FANCM: variants seen among roughly 807,000 people sequenced by gnomAD.
The protein encoded by FANCM is Fanconi anemia group M protein.
A neutral mutation model predicts 199.5 loss-of-function variants in FANCM; 140 were observed. The ratio of observed to expected loss-of-function variants is 0.70; its 90% confidence interval spans 0.61 to 0.81. The LOEUF is 0.81. Among genes scored for constraint, FANCM ranks in the 30% least tolerant of loss-of-function variants. The pLI is 0.00. For synonymous variants in FANCM, 840 were observed against 836.8 expected (o/e 1.00, Z -0.07); for missense variants, 2,410 against 2,421.4 (o/e 1.00, Z 0.10).
chr14:45,154,087 CAT>C (rs1566737549), intron 6 of FANCM, 35 bp downstream of exon 6: 2 of 1,445,318 alleles, frequency 1.4e-6, no homozygotes, highest in Non-Finnish European at 9.7e-7. Context: ...GAAATAATGA[CAT>C]GTATTATTTT....
chr14:45,163,567 C>A (rs529187593), intron 9 of FANCM, among the ~76,000 whole-genome samples: 134 of 152,284 alleles, frequency 8.8e-4, no homozygotes, highest in African/African-American at 3.1e-3. Flanking sequence ...TTTCATTAAA[C>A]TGATCAGAGA....
chr14:45,188,163 A>G (rs1566781558), intron 19 of FANCM, among the ~76,000 whole-genome samples: 1 of 152,100 alleles, frequency 6.6e-6, no homozygotes, highest in African/African-American at 2.4e-5. Flanking sequence ...ACATGGTGAA[A>G]CCCCATCTCT....
intron 16 of FANCM, among the ~76,000 whole-genome samples, chr14:45,181,911 A>G (rs147137049): frequency 5.4e-4 from 83 of 152,348 alleles, no homozygotes; most frequent in Admixed American, 1.7e-3. Context: ...AAATAAAAAT[A>G]TTAAGTAATT....
At chr14:45,166,844 G>A (rs1010639776) in intron 10 of FANCM, 106 bp from the exon 11 acceptor site, 1 of 727,604 alleles carries the variant, frequency 1.4e-6, no homozygotes, top group East Asian at 2.7e-5. Flanking sequence ...GTGGATCGGG[G>A]TTTAATTTTA....
chr14:45,173,309 T>G (rs1888461200), intron 13 of FANCM, 99 bp downstream of exon 13: 1 of 1,096,812 alleles, frequency 9.1e-7, no homozygotes, highest in African/African-American at 1.6e-5. Context: ...AATACTTTGT[T>G]TTTCTGTATA....
Position 45,161,128 on chromosome 14 carries a change from A to G in FANCM, c.1581+1848A>G, listed in dbSNP as rs139922335. Among the ~76,000 whole-genome samples the G allele has an allele frequency of 6.5e-3, 993 of 152,264 alleles. 8 individuals carry two copies. The highest frequency in any genetic ancestry group is 0.023 in the African/African-American group (944 of 41,546). Reference sequence around the variant, plus strand: ...ATCAATTTCAGTATTACCTAAAGTCATTATTTCCTGAGCTTGTCAGGCACC... The same window carrying G: ...ATCAATTTCAGTATTACCTAAAGTCGTTATTTCCTGAGCTTGTCAGGCACC... On this transcript the variant is annotated intron_variant, in intron 9 of 22. Coordinates refer to ENST00000267430, the MANE Select transcript of FANCM (RefSeq NM_020937.4).
At chr14:45,190,037 T>G (rs1360634658) in intron 20 of FANCM, among the ~76,000 whole-genome samples, 1 of 151,668 alleles carries the variant, frequency 6.6e-6, no homozygotes, top group African/African-American at 2.4e-5. Context: ...AGGCTTTGGG[T>G]ATGTAAGTCC....
intron 10 of FANCM, 71 bp downstream of exon 10, chr14:45,164,636 C>T (rs1887839774): frequency 8.6e-7 from 1 of 1,160,794 alleles, no homozygotes; most frequent in Admixed American, 2.0e-5. Flanking sequence ...TGAATATCAA[C>T]ATGTTAGCAT....
rs149145130 is a variant in FANCM at position 45,147,551 on chromosome 14, G to A, written c.760-1286G>A. Among the ~76,000 whole-genome samples, 26 of 152,106 alleles carry A rather than the reference G, an allele frequency of 1.7e-4. No homozygotes were observed. The East Asian group carries it at 4.8e-3, about 28-fold the overall frequency. ...TCCCAACTTGGCCTCCCACAGCCCT[G>A]GGATTACACCCTTAGGCGTGAGCTG... On this transcript the variant is annotated intron_variant, in intron 3 of 22. Transcript: ENST00000267430.
At chr14:45,178,081 T>C (rs1283778650) in intron 14 of FANCM, among the ~76,000 whole-genome samples, 1 of 152,206 alleles carries the variant, frequency 6.6e-6, no homozygotes, top group Non-Finnish European at 1.5e-5. Context: ...AAAAGCTGAA[T>C]AAAAAGTAGC....
intron 3 of FANCM, among the ~76,000 whole-genome samples, chr14:45,145,855 C>T (rs997579580): frequency 2.6e-5 from 4 of 151,610 alleles, no homozygotes; most frequent in East Asian, 1.9e-4. Flanking sequence ...GTCAGGAGAT[C>T]GAGACCATCC....
At chr14:45,173,357 T>G in intron 13 of FANCM, 147 bp downstream of exon 13, 1 of 715,402 alleles carries the variant, frequency 1.4e-6, no homozygotes. Context: ...GTTTTCTGCC[T>G]TAAGAGAAGA....
rs767884800 is a variant in FANCM at position 45,196,325 on chromosome 14, G to C, written c.5494G>C (p.Glu1832Gln). The C allele has an allele frequency of 6.2e-7, 1 of 1,614,144 alleles. No homozygotes were observed. Residue 1832 changes from glutamate to glutamine, a missense_variant, in exon 21 of 23, where the codon GAA becomes CAA. Physicochemically the swap from Glu to Gln is conservative, Grantham distance 29. Transcript: ENST00000267430. ...TGGTCATGAAATCACTTCTGGATTA[G>C]AAGTAATTTCTTCCCTAAGAGCAAT... ...VGGHEITSGL[E>Q]VISSLRAIHG...
intron 14 of FANCM, among the ~76,000 whole-genome samples, chr14:45,178,865 A>G: frequency 6.6e-6 from 1 of 152,146 alleles, no homozygotes; most frequent in East Asian, 1.9e-4. Context: ...AGCTTCTTAG[A>G]AGGCCTGTTG....
Position 45,181,504 on chromosome 14 carries a change from A to G in FANCM, c.4297A>G (p.Asn1433Asp). 6.2e-7 allele frequency: 1 copy of G among 1,605,658 alleles called. No homozygotes were observed. The highest frequency in any genetic ancestry group is 1.7e-5 in the Admixed American group (1 of 60,000). ...FRRKVKRAKG[N>D]VLNSPEDQKN... is the part of the protein sequence containing the mutation. The stretch of plus-strand genomic sequence containing the variant: ...AAGAAAAGTTAAAAGAGCAAAAGGA[A>G]ATGTTTTAAACTCTCCTGAGGTGAG... Residue 1433 changes from asparagine (N) to aspartate (D), a missense_variant, in exon 15 of 23, where the codon AAT becomes GAT. By Grantham distance (23) the Asn-to-Asp change is conservative. Coordinates refer to ENST00000267430, the MANE Select transcript of FANCM (RefSeq NM_020937.4).
rs757391108 is a variant in FANCM at position 45,176,732 on chromosome 14, TCA to T, written c.3979_3980del (p.Gln1327ValfsTer16). 1.9e-6 allele frequency: 3 copies of T among 1,613,226 alleles called. No homozygotes were observed. The highest frequency in any genetic ancestry group is 2.5e-6 in the Non-Finnish European group (3 of 1,179,618). Reference protein sequence around the residue: ...NEELLSPGYSQFSLPVQKKVM... With the variant: ...NEELLSPGYSXFSLPVQKKVM... ...AAGAATTGTTATCTCCTGGTTATTC[TCA>T]GTTTTCTTTACCAGTGCAAAAAAAA... On this transcript the variant is annotated frameshift_variant, in exon 14 of 23. Transcript: ENST00000267430. LOFTEE classifies it high-confidence loss of function.
chr14:45,175,215 A>T lies in FANCM; in HGVS notation c.2461A>T (p.Ile821Leu), dbSNP rs201957160. 2 of 1,612,506 alleles carry T rather than the reference A, an allele frequency of 1.2e-6. No individual in the cohort carries two copies. The highest frequency in any genetic ancestry group is 2.7e-5 in the African/African-American group (2 of 75,030). Residue 821 changes from isoleucine (I) to leucine (L), a missense_variant, in exon 14 of 23, where the codon ATA (isoleucine) becomes TTA (leucine). Transcript: ENST00000267430. ...THKKSSFIKN[I>L]NQGSSSSVIE... ...CAAGAAATCGTCATTTATAAAGAAC[A>T]TAAATCAAGGCAGTTCATCCTCAGT...
chr14:45,147,923 C>T (rs1290395084), intron 3 of FANCM, among the ~76,000 whole-genome samples: 3 of 149,036 alleles, frequency 2.0e-5, no homozygotes, highest in Non-Finnish European at 4.4e-5. Context: ...AAAAGCCGGG[C>T]GTGATGCCTC....
intron 11 of FANCM, among the ~76,000 whole-genome samples, chr14:45,167,739 T>G (rs1305163776): frequency 6.6e-6 from 1 of 152,190 alleles, no homozygotes; most frequent in Non-Finnish European, 1.5e-5. Context: ...AAAATGTTTA[T>G]TTTTTGGATT....
Sources: allele counts gnomAD v4.1 joint callset (sites outside exome capture counted in the v4.1 genomes callset), GRCh38; gene constraint gnomAD v4.1.1; transcripts MANE v1.5; gene names NCBI Gene and HGNC (gene_info 2026-07-23, HGNC 2026-07-21).